The following SLC5A4 variants were observed in gnomAD, a reference collection of about 807,000 sequenced individuals.
The protein encoded by SLC5A4 is probable glucose sensor protein SLC5A4.
Under a neutral mutation model 70.3 loss-of-function variants are expected in SLC5A4, and 55 were observed. The observed-to-expected ratio is 0.78, with a 90% CI of 0.63 to 0.98. SLC5A4 has a LOEUF of 0.98. SLC5A4 is among the 50% of genes least tolerant of loss of function. The probability of loss-of-function intolerance (pLI) is 0.00; values close to 1 mark genes in which losing one functional copy is unlikely to be tolerated. For synonymous variants in SLC5A4, 268 were observed against 305.7 expected, an observed-to-expected ratio of 0.88 and a Z score of 1.29; for missense variants, 735 against 839.2, an observed-to-expected ratio of 0.88 and a Z score of 1.53.
the SLC5A4 span, among the ~76,000 whole-genome samples, chr22:32,314,155 G>C: frequency 6.6e-6 from 1 of 152,164 alleles, no homozygotes; most frequent in Non-Finnish European, 1.5e-5. Flanking sequence ...TGTGTACAGG[G>C]GCTAAGGGTG....
At chr22:32,326,270 ATTT>A in the SLC5A4 span, among the ~76,000 whole-genome samples, 5 of 135,350 alleles carry the variant, frequency 3.7e-5, no homozygotes, top group Non-Finnish European at 4.8e-5. Flanking sequence ...GCCTTCACGT[ATTT>A]TTTTTTTTTT....
chr22:32,354,760 C>T, the SLC5A4 span: 1 of 152,012 alleles, frequency 6.6e-6, no homozygotes, highest in African/African-American at 2.4e-5. Context: ...GCAGTAACGC[C>T]CTGGATAGGG....
chr22:32,291,119 CCTCT>C, the SLC5A4 span, among the ~76,000 whole-genome samples: 19 of 151,400 alleles, frequency 1.3e-4, no homozygotes, highest in Non-Finnish European at 2.5e-4. Context: ...CTTTGCTGAT[CCTCT>C]CTGTGTTATG....
the SLC5A4 span, among the ~76,000 whole-genome samples, chr22:32,304,826 C>T: frequency 1.3e-5 from 2 of 148,480 alleles, no homozygotes; most frequent in East Asian, 1.9e-4. Flanking sequence ...TCTAGATTTT[C>T]TCCTATGTTC....
the SLC5A4 span, among the ~76,000 whole-genome samples, chr22:32,288,246 C>A: frequency 2.0e-5 from 3 of 152,140 alleles, no homozygotes; most frequent in African/African-American, 4.8e-5. Context: ...ATGGGAAAAA[C>A]AATGACCAGA....
At chr22:32,346,093 C>T in the SLC5A4 span, among the ~76,000 whole-genome samples, 4 of 152,156 alleles carry the variant, frequency 2.6e-5, no homozygotes, top group Admixed American at 1.3e-4. Flanking sequence ...TGTTTAAGCT[C>T]CATCTATCAG....
intron 7 of SLC5A4, among the ~76,000 whole-genome samples, chr22:32,236,347 G>A (rs1334111896): frequency 2.0e-5 from 3 of 152,066 alleles, no homozygotes; most frequent in African/African-American, 7.2e-5. Context: ...TAATAAGTGA[G>A]CATTATTAAG....
At chr22:32,311,247 A>C in the SLC5A4 span, among the ~76,000 whole-genome samples, 6 of 152,344 alleles carry the variant, frequency 3.9e-5, no homozygotes, top group East Asian at 1.2e-3. Context: ...CACAGTGAGC[A>C]GGGACCTGCC....
At chr22:32,315,794 TAAAAAAA>T in the SLC5A4 span, among the ~76,000 whole-genome samples, 1 of 95,914 alleles carries the variant, frequency 1.0e-5, no homozygotes, top group African/African-American at 3.8e-5. Context: ...CACACTTGCT[TAAAAAAA>T]AAAAAAAAAA....
the SLC5A4 span, among the ~76,000 whole-genome samples, chr22:32,292,241 T>A: frequency 5.8e-5 from 2 of 34,630 alleles, no homozygotes; most frequent in Non-Finnish European, 1.2e-4. Context: ...ATTATATATA[T>A]AATATATACT....
chr22:32,271,913 A>G, the SLC5A4 span: 1 of 577,396 alleles, frequency 1.7e-6, no homozygotes, highest in Non-Finnish European at 3.3e-6. Context: ...TGTGGCCACC[A>G]GCACCAACAC....
At chr22:32,334,784 A>G in the SLC5A4 span, among the ~76,000 whole-genome samples, 5 of 152,216 alleles carry the variant, frequency 3.3e-5, no homozygotes, top group Non-Finnish European at 2.9e-5. Flanking sequence ...ATCGGGGGAC[A>G]CATCTGGGCT....
At chr22:32,338,705 T>A in the SLC5A4 span, among the ~76,000 whole-genome samples, 2 of 152,146 alleles carry the variant, frequency 1.3e-5, no homozygotes, top group Non-Finnish European at 2.9e-5. Flanking sequence ...GGGCACCCCA[T>A]ACTGGAGAGG....
the SLC5A4 span, among the ~76,000 whole-genome samples, chr22:32,336,340 T>C: frequency 6.6e-6 from 1 of 152,240 alleles, no homozygotes; most frequent in Non-Finnish European, 1.5e-5. Context: ...CCTGGGCCTT[T>C]GTGGAAGCGT....
chr22:32,237,134 G>A (rs1296849153), intron 7 of SLC5A4, 110 bp downstream of exon 7: 1 of 750,320 alleles, frequency 1.3e-6, no homozygotes, highest in African/African-American at 1.7e-5. Context: ...TGACTGGAAA[G>A]TGTGACCAGA....
the SLC5A4 span, among the ~76,000 whole-genome samples, chr22:32,290,260 C>T: frequency 1.3e-5 from 2 of 152,066 alleles, no homozygotes; most frequent in East Asian, 1.9e-4. Flanking sequence ...GCCCCCATCC[C>T]CTGACAGGCC....
intron 11 of SLC5A4, among the ~76,000 whole-genome samples, chr22:32,227,688 A>G (rs1047343428): frequency 1.3e-5 from 2 of 152,170 alleles, no homozygotes; most frequent in Non-Finnish European, 2.9e-5. Flanking sequence ...CTGTAATCCC[A>G]AGACTTTGGG....
chr22:32,245,913 T>G (rs1319910298), intron 5 of SLC5A4, among the ~76,000 whole-genome samples: 2 of 152,202 alleles, frequency 1.3e-5, no homozygotes, highest in Non-Finnish European at 2.9e-5. Context: ...ACGTGTGAAC[T>G]CTAAGCCCCT....
At chr22:32,288,020 T>TG in the SLC5A4 span, among the ~76,000 whole-genome samples, 3 of 149,210 alleles carry the variant, frequency 2.0e-5, no homozygotes, top group African/African-American at 7.3e-5. Flanking sequence ...TTTCTTTCTT[T>TG]TTTTTTTTTT....
Sources: gnomAD v4.1 joint callset for allele counts (sites outside exome capture counted in the v4.1 genomes callset) on GRCh38, gnomAD v4.1.1 for gene constraint, MANE v1.5 for transcripts, NCBI Gene and HGNC (gene_info 2026-07-23, HGNC 2026-07-21) for gene names.